The following RAD51B variants were observed in gnomAD, a reference collection of about 807,000 sequenced individuals.
RAD51B encodes the protein RAD51 paralog B, also known as DNA repair protein RAD51 homolog 2.
Under a neutral mutation model 42.2 loss-of-function variants are expected in RAD51B, and 38 were observed. That is an observed-to-expected ratio of 0.90 (90% CI 0.70 to 1.18). The LOEUF (loss-of-function observed/expected upper bound fraction) is 1.18, where lower values mean the gene tolerates loss of function less well. RAD51B is among the 50% of genes most tolerant of loss of function. RAD51B has a pLI of 0.00. For synonymous variants in RAD51B, 154 were observed against 145.2 expected, an observed-to-expected ratio of 1.06 and a Z score of -0.43; for missense variants, 373 against 400.7, an observed-to-expected ratio of 0.93 and a Z score of 0.59.
downstream of RAD51B, chr14:68,478,145 G>T: frequency 9.8e-7 from 1 of 1,016,640 alleles, no homozygotes; most frequent in Non-Finnish European, 1.2e-6. Context: ...AACCGATTCA[G>T]AAATGAAATC....
intron 7 of RAD51B, among the ~76,000 whole-genome samples, chr14:67,966,746 A>G (rs1259963203): frequency 6.6e-6 from 1 of 151,982 alleles, no homozygotes; most frequent in African/African-American, 2.4e-5. Flanking sequence ...TATCATACTT[A>G]CTCTGCCTCT....
chr14:67,986,508 C>A (rs17104853), intron 7 of RAD51B, among the ~76,000 whole-genome samples: 4,144 of 152,148 alleles, frequency 0.027, 198 homozygotes, highest in African/African-American at 0.094. Flanking sequence ...TTTGCAATAA[C>A]GTTTGACCTT....
chr14:67,876,678 A>G (rs2042737508), intron 5 of RAD51B, among the ~76,000 whole-genome samples: 3 of 152,194 alleles, frequency 2.0e-5, no homozygotes, highest in Non-Finnish European at 4.4e-5. Flanking sequence ...GCATTCTACC[A>G]CAGTAAATCC....
At chr14:68,509,666 G>A (rs1402797591) in intron 10 of RAD51B, among the ~76,000 whole-genome samples, 2 of 152,210 alleles carry the variant, frequency 1.3e-5, no homozygotes, top group African/African-American at 2.4e-5. Context: ...CTTGCCTAGC[G>A]AGATCTAGGA....
intron 7 of RAD51B, among the ~76,000 whole-genome samples, chr14:67,963,163 C>T (rs780683577): frequency 2.6e-5 from 4 of 152,020 alleles, no homozygotes; most frequent in Non-Finnish European, 4.4e-5. Context: ...AATCTCATCC[C>T]AGAAAGAATA....
At chr14:68,288,401 G>A (rs1777289456) in intron 7 of RAD51B, among the ~76,000 whole-genome samples, 1 of 152,188 alleles carries the variant, frequency 6.6e-6, no homozygotes, top group African/African-American at 2.4e-5. Context: ...TAATTAAAAG[G>A]GAGAGGATTA....
rs868542904 is a variant in RAD51B, at chr14:67,870,328, A to G, written c.452+5189A>G. On this transcript the variant is annotated intron_variant, in intron 5 of 10. Transcript: ENST00000471583. ...AGACTTTAAACCAACAAAGATCAAA[A>G]GAGACAAAGAAGGCCGTTACATAAT... Among the ~76,000 whole-genome samples the G allele has an allele frequency of 8.2e-3, 1,242 of 152,310 alleles. 15 individuals carry two copies. The highest frequency in any genetic ancestry group is 0.028 in the African/African-American group (1,172 of 41,556).
chr14:68,169,201 A>G (rs1357009087), intron 7 of RAD51B, among the ~76,000 whole-genome samples: 1 of 152,114 alleles, frequency 6.6e-6, no homozygotes, highest in Non-Finnish European at 1.5e-5. Context: ...CAGATGGATG[A>G]TTCATTTGCT....
At chr14:68,618,153 A>G (rs1172917415) in intron 10 of RAD51B, among the ~76,000 whole-genome samples, 1 of 152,164 alleles carries the variant, frequency 6.6e-6, no homozygotes, top group Non-Finnish European at 1.5e-5. Context: ...ACTACAAACA[A>G]ATCTCATCTG....
intron 8 of RAD51B, among the ~76,000 whole-genome samples, chr14:68,316,066 G>A (rs887957135): frequency 3.9e-5 from 6 of 152,166 alleles, no homozygotes; most frequent in African/African-American, 1.2e-4. Context: ...CATTGAGACA[G>A]TTTAGGTATT....
At chr14:68,305,597 A>C (rs866850304) in intron 8 of RAD51B, among the ~76,000 whole-genome samples, 3 of 152,244 alleles carry the variant, frequency 2.0e-5, no homozygotes, top group African/African-American at 7.2e-5. Flanking sequence ...TGAGAGAAGC[A>C]GATTTTTAAT....
intron 7 of RAD51B, among the ~76,000 whole-genome samples, chr14:68,158,660 A>C (rs1036335198): frequency 6.6e-6 from 1 of 152,252 alleles, no homozygotes. Flanking sequence ...TGTTTCAACC[A>C]CATGTATTAT....
intron 9 of RAD51B, among the ~76,000 whole-genome samples, chr14:68,438,934 T>A (rs1250004149): frequency 6.6e-6 from 1 of 152,136 alleles, no homozygotes; most frequent in African/African-American, 2.4e-5. Context: ...AAGACCCACA[T>A]CTGCAAATTG....
chr14:68,185,554 T>C (rs1179992802), intron 7 of RAD51B, among the ~76,000 whole-genome samples: 9 of 152,140 alleles, frequency 5.9e-5, no homozygotes, highest in Admixed American at 5.9e-4. Context: ...TATATCATGT[T>C]CTTGAGTAGA....
chr14:68,670,047 C>T (rs1397744466), intron 11 of RAD51B, among the ~76,000 whole-genome samples: 1 of 152,202 alleles, frequency 6.6e-6, no homozygotes, highest in Middle Eastern at 3.2e-3. Flanking sequence ...GAGCCAAGCG[C>T]CCAGAATGGC....
intron 7 of RAD51B, among the ~76,000 whole-genome samples, chr14:68,119,783 G>T (rs1194945225): frequency 6.6e-6 from 1 of 151,298 alleles, no homozygotes; most frequent in South Asian, 2.1e-4. Flanking sequence ...AAACATACGT[G>T]TGCATGTGTC....
chr14:68,525,319 A>C (rs1886855703), intron 10 of RAD51B, among the ~76,000 whole-genome samples: 1 of 152,260 alleles, frequency 6.6e-6, no homozygotes, highest in South Asian at 2.1e-4. Flanking sequence ...AGTGAGACCC[A>C]TGTCAGACTT....
At chr14:68,537,830 G>A (rs1887730478) in intron 10 of RAD51B, among the ~76,000 whole-genome samples, 1 of 151,764 alleles carries the variant, frequency 6.6e-6, no homozygotes, top group Non-Finnish European at 1.5e-5. Flanking sequence ...ATTTCCATGT[G>A]TAATCTCATT....
intron 7 of RAD51B, among the ~76,000 whole-genome samples, chr14:68,249,922 G>A (rs564130173): frequency 2.0e-5 from 3 of 152,300 alleles, no homozygotes; most frequent in African/African-American, 4.8e-5. Flanking sequence ...TCAGGCCACC[G>A]CCATAGTGAG....
Sources: allele counts gnomAD v4.1 joint callset (sites outside exome capture counted in the v4.1 genomes callset), GRCh38; gene constraint gnomAD v4.1.1; transcripts MANE v1.5; gene names NCBI Gene and HGNC (gene_info 2026-07-23, HGNC 2026-07-21).